The following CLCC1 variants were observed in gnomAD, a reference collection of about 807,000 sequenced individuals.
CLCC1 encodes chloride channel CLIC-like protein 1.
CLCC1 carries 39 observed loss-of-function variants against 63.3 expected under a neutral mutation model. The observed-to-expected ratio is 0.62, with a 90% CI of 0.48 to 0.81. The LOEUF is 0.81. Among genes scored for constraint, CLCC1 ranks in the 30% least tolerant of loss-of-function variants. The pLI is 0.00. For missense variants in CLCC1, 549 were observed against 669.4 expected (o/e 0.82, Z 1.98); for synonymous variants, 217 against 239.8 (o/e 0.90, Z 0.88).
intron 7 of CLCC1, 73 bp from the exon 8 acceptor site, chr1:108,941,571 T>C: frequency 2.9e-6 from 3 of 1,028,580 alleles, no homozygotes; most frequent in Non-Finnish European, 4.4e-6. Context: ...CAAAAGACCT[T>C]CATTCAAAGA....
At chr1:108,943,351 G>T in intron 7 of CLCC1, 124 bp downstream of exon 7, 2 of 893,738 alleles carry the variant, frequency 2.2e-6, no homozygotes, top group Non-Finnish European at 1.8e-6. Flanking sequence ...CCTCTCCAGC[G>T]TGGGCCACCT....
Position 108,941,446 on chromosome 1 carries a change from T to C in CLCC1, c.755A>G (p.Asn252Ser), listed in dbSNP as rs1482603503. The change falls in exon 8 of 13, where the codon AAT becomes AGT. Residue 252 changes from asparagine to serine, a missense_variant. By Grantham distance (46) the Asn-to-Ser change is conservative. Transcript: ENST00000369969. Reference protein sequence around the residue: ...AEVAKMEPLNNVCAKKMDWTG... With the variant: ...AEVAKMEPLNSVCAKKMDWTG... ...CCAGTCCATCTTTTTGGCACACACA[T>C]TGTTTAATGGCTCCATCTTGGCGAC... is the stretch of plus-strand genomic sequence containing the variant. The C allele has an allele frequency of 6.2e-7, 1 of 1,614,100 alleles. No homozygotes were observed. The highest frequency in any genetic ancestry group is 2.2e-5 in the East Asian group (1 of 44,872).
chr1:108,943,680 C>A, intron 6 of CLCC1, 65 bp from the exon 7 acceptor site: 1 of 1,584,848 alleles, frequency 6.3e-7, no homozygotes, highest in Non-Finnish European at 8.6e-7. Context: ...AAGAACTGGA[C>A]TCAAAAGCAC....
rs987067445 is a variant in CLCC1 at position 108,962,363 on chromosome 1, G to T, written c.-66C>A. On this transcript the variant is annotated 5_prime_UTR_variant, in exon 2 of 13. Transcript: ENST00000369969. ...GACTAGAAGTACCAGGGTATAAGTCGGGAGGCTGCAACTTATTTCGTATGC... is the reference window on the plus strand; with the variant it reads ...GACTAGAAGTACCAGGGTATAAGTCTGGAGGCTGCAACTTATTTCGTATGC... 9 of 152,146 alleles carry T rather than the reference G, an allele frequency of 5.9e-5. No individual in the cohort carries two copies. The highest frequency in any genetic ancestry group is 2.2e-4 in the African/African-American group (9 of 41,430). The allele number at this position is 152,146 out of a possible 1,614,324, so 9.4% of individuals were successfully genotyped here.
chr1:108,959,721 G>T (rs1656383326), intron 2 of CLCC1, among the ~76,000 whole-genome samples: 1 of 152,112 alleles, frequency 6.6e-6, no homozygotes, highest in South Asian at 2.1e-4. Flanking sequence ...GGTAAAGGGG[G>T]GACTCTATAC....
intron 2 of CLCC1, among the ~76,000 whole-genome samples, chr1:108,952,468 G>GC (rs1166555061): frequency 4.6e-5 from 7 of 152,124 alleles, no homozygotes; most frequent in Admixed American, 2.0e-4. Context: ...ACAGCGCTTG[G>GC]CCCCCCCTGT....
intron 2 of CLCC1, among the ~76,000 whole-genome samples, chr1:108,960,478 A>C (rs1350818350): frequency 6.6e-6 from 1 of 152,242 alleles, no homozygotes; most frequent in Non-Finnish European, 1.5e-5. Flanking sequence ...AGAGAATGAC[A>C]GTGAGAAGCC....
chr1:108,939,857 A>G, intron 9 of CLCC1, 75 bp from the exon 10 acceptor site: 1 of 1,453,764 alleles, frequency 6.9e-7, no homozygotes, highest in Non-Finnish European at 9.4e-7. Context: ...TTCATTGAGT[A>G]CTGATGCTGA....
intron 8 of CLCC1, 107 bp downstream of exon 8, chr1:108,941,298 G>T: frequency 1.0e-6 from 1 of 989,358 alleles, no homozygotes; most frequent in Non-Finnish European, 1.5e-6. Flanking sequence ...TGATATTAAA[G>T]ATTCAGTCAT....
chr1:108,946,323 A>AAAC (rs1245410661), intron 5 of CLCC1, among the ~76,000 whole-genome samples: 1 of 151,676 alleles, frequency 6.6e-6, no homozygotes, highest in Non-Finnish European at 1.5e-5. Context: ...AAAAAAAAAA[A>AAAC]ATCAGAAACT....
chr1:108,956,003 A>G (rs1490850921), intron 2 of CLCC1, among the ~76,000 whole-genome samples: 1 of 151,498 alleles, frequency 6.6e-6, no homozygotes, highest in African/African-American at 2.5e-5. Flanking sequence ...TAATCATATG[A>G]GCTAATTCCC....
intron 7 of CLCC1, 38 bp from the exon 8 acceptor site, chr1:108,941,536 C>T (rs767672261): frequency 1.9e-6 from 3 of 1,562,756 alleles, no homozygotes; most frequent in Non-Finnish European, 2.6e-6. Flanking sequence ...GAGGCCGTTA[C>T]CTATGAAGGT....
intron 2 of CLCC1, among the ~76,000 whole-genome samples, chr1:108,960,309 A>G (rs1656456428): frequency 6.6e-6 from 1 of 152,260 alleles, no homozygotes; most frequent in African/African-American, 2.4e-5. Flanking sequence ...TCAGGGCAAT[A>G]GAAGACAAGC....
chr1:108,939,155 T>C, intron 10 of CLCC1, among the ~76,000 whole-genome samples: 2 of 147,172 alleles, frequency 1.4e-5, no homozygotes, highest in South Asian at 2.1e-4. Flanking sequence ...TAAGATTTAA[T>C]ATAAATCTTG....
In CLCC1 at chr1:108,931,454, G is replaced by A; in HGVS notation, c.*1093C>T. ...CACGCTTGGAACAAGTTGCCAACTT[G>A]TTTCACTCTGCTTGCTTCAGACTGT... On this transcript the variant is annotated 3_prime_UTR_variant, in exon 13 of 13. Transcript: ENST00000369969. 1 of 1,550,848 alleles carries A rather than the reference G, an allele frequency of 6.4e-7. No individual in the cohort carries two copies.
intron 2 of CLCC1, among the ~76,000 whole-genome samples, chr1:108,952,554 T>C (rs904199994): frequency 4.2e-5 from 5 of 118,872 alleles, no homozygotes; most frequent in Non-Finnish European, 7.4e-5. Flanking sequence ...ATCCCAGCAC[T>C]GTGGGAGGCC....
intron 2 of CLCC1, among the ~76,000 whole-genome samples, chr1:108,961,049 C>A (rs1192293856): frequency 1.3e-5 from 2 of 152,094 alleles, no homozygotes; most frequent in Non-Finnish European, 2.9e-5. Flanking sequence ...AACTATGTTA[C>A]TTTCTACAGT....
intron 2 of CLCC1, among the ~76,000 whole-genome samples, chr1:108,961,272 T>C (rs1656589721): frequency 8.2e-6 from 1 of 121,720 alleles, no homozygotes; most frequent in South Asian, 2.8e-4. Flanking sequence ...CTAAACCTGC[T>C]GAAGAGTTTG....
intron 2 of CLCC1, among the ~76,000 whole-genome samples, chr1:108,960,403 GA>G (rs1571097316): frequency 2.0e-5 from 3 of 152,280 alleles, no homozygotes; most frequent in African/African-American, 7.2e-5. Context: ...CAGAGAAGTG[GA>G]GAGGAACAAA....
Sources: allele counts gnomAD v4.1 joint callset (sites outside exome capture counted in the v4.1 genomes callset), GRCh38; gene constraint gnomAD v4.1.1; transcripts MANE v1.5; gene names NCBI Gene and HGNC (gene_info 2026-07-23, HGNC 2026-07-21).